The following UBTF variants were observed in gnomAD, a reference collection of about 807,000 sequenced individuals.
UBTF encodes the protein upstream binding transcription factor.
A neutral mutation model predicts 112.3 loss-of-function variants in UBTF; 8 were observed. That is an observed-to-expected ratio of 0.07 (90% CI 0.04 to 0.13). The LOEUF is 0.13. UBTF is among the 10% of genes least tolerant of loss of function. The probability of loss-of-function intolerance (pLI) is 1.00; values close to 1 mark genes in which losing one functional copy is unlikely to be tolerated. For missense variants in UBTF, 457 were observed against 982.1 expected (o/e 0.47, Z 7.15); for synonymous variants, 417 against 373.1 (o/e 1.12, Z -1.36).
At chr17:44,218,789 G>T (rs1328288899) in intron 1 of UBTF, among the ~76,000 whole-genome samples, 1 of 150,446 alleles carries the variant, frequency 6.6e-6, no homozygotes, top group South Asian at 2.1e-4. Context: ...CGGGGACCCG[G>T]ACGCAGCGCA....
In UBTF at chr17:44,216,616, G is replaced by C. The variant is rs771763301; in HGVS notation, c.147C>G (p.Thr49=). ...PSNDSSKFKT[T]ESHMDWEKVA... ...CTTTTTCCCAGTCCATGTGTGATTC[G>C]GTGGTTTTGAACTTGGAGCTGTCAT... The change falls in exon 3 of 21, where the codon ACC becomes ACG. Residue 49 remains threonine (T), a synonymous_variant. Transcript: ENST00000436088. 6.2e-7 allele frequency: 1 copy of C among 1,613,876 alleles called. No homozygotes were observed. The highest frequency in any genetic ancestry group is 8.5e-7 in the Non-Finnish European group (1 of 1,179,944).
chr17:44,209,320 C>T lies in UBTF; in HGVS notation c.1905+32G>A, dbSNP rs143423823. The T allele has an allele frequency of 5.0e-5, 78 of 1,561,564 alleles. No homozygotes were observed. In the African/African-American group the frequency reaches 8.5e-4, roughly 17 times the overall value. ...GGTGCTGGCTTAGTCTGATGCCTCT[C>T]TGTTCCTTCCAAGGGTCCCTTGCCC... On this transcript the variant is annotated intron_variant, in intron 17 of 20. Coordinates refer to ENST00000436088, the MANE Select transcript of UBTF (RefSeq NM_014233.4).
chr17:44,212,638 TACACGCACGCAC>T (rs2056763282), intron 7 of UBTF, among the ~76,000 whole-genome samples, 169 bp downstream of exon 7: 1 of 151,796 alleles, frequency 6.6e-6, no homozygotes, highest in African/African-American at 2.4e-5. Context: ...GACTGGCTCA[TACACGCACGCAC>T]ACACGCACAC....
chr17:44,210,852 G>T lies in UBTF; in HGVS notation c.1299C>A (p.Ser433=). The T allele has an allele frequency of 6.4e-7, 1 of 1,573,794 alleles. No individual in the cohort carries two copies. The highest frequency in any genetic ancestry group is 8.6e-7 in the Non-Finnish European group (1 of 1,159,582). The change falls in exon 13 of 21, where the codon TCC becomes TCA. Residue 433 remains serine (S), a synonymous_variant. Transcript: ENST00000436088. The part of the protein sequence containing the change: ...RQLQEERPEL[S]ESELTRLLAR... Reference sequence around the variant, plus strand: ...CCAGCAGGCGGGTCAGCTCGCTCTCGGAGAGCTCAGGCCGCTCCTCCTGCA... The same window carrying T: ...CCAGCAGGCGGGTCAGCTCGCTCTCTGAGAGCTCAGGCCGCTCCTCCTGCA...
At chr17:44,210,508 A>G (rs1555579834) in intron 13 of UBTF, 35 bp from the exon 14 acceptor site, 12 of 1,530,296 alleles carry the variant, frequency 7.8e-6, no homozygotes, top group South Asian at 4.9e-5. Context: ...CCTTCCACCC[A>G]CCCCCAGGGG....
chr17:44,207,979 G>C, intron 17 of UBTF, 68 bp from the exon 18 acceptor site: 2 of 1,590,054 alleles, frequency 1.3e-6, no homozygotes, highest in South Asian at 1.1e-5. Flanking sequence ...TGCTGGCCCA[G>C]TGCTAGGCAG....
At chr17:44,210,533 CGCAGCAGCCCAGGCGCTCCCGCCGGCGG>C in intron 13 of UBTF, 60 bp from the exon 14 acceptor site, 1 of 1,490,592 alleles carries the variant, frequency 6.7e-7, no homozygotes, top group South Asian at 1.3e-5. Flanking sequence ...GCGCTCCCCG[CGCAGCAGCCCAGGCGCTCCCGCCGGCGG>C]GCAGAAGCAT....
intron 17 of UBTF, chr17:44,208,967 A>G: frequency 3.0e-6 from 1 of 332,906 alleles, no homozygotes; most frequent in South Asian, 2.1e-5. Context: ...GGCGGATCAC[A>G]TGAGGTCAGG....
At chr17:44,213,470 G>A (rs1178837247) in intron 5 of UBTF, 188 bp from the exon 6 acceptor site, 4 of 573,032 alleles carry the variant, frequency 7.0e-6, no homozygotes, top group Non-Finnish European at 1.2e-5. Flanking sequence ...TTCTACCACA[G>A]ATGGTGGGAG....
chr17:44,209,293 A>T, intron 17 of UBTF, 59 bp downstream of exon 17: 1 of 1,515,166 alleles, frequency 6.6e-7, no homozygotes, highest in South Asian at 1.3e-5. Context: ...CCAGGCTAGG[A>T]TGGTGCTGGC....
In UBTF at chr17:44,207,268, C is replaced by T; in HGVS notation, c.2269G>A (p.Asp757Asn). ...CAGTTGGAGTCAGAGTCTGAGGAGT[C>T]CCCTGAGGAGGAGGAGCTGGAGCTG... ...GSSSSSSSSG[D>N]SSDSDSN Residue 757 changes from aspartate (D) to asparagine (N), a missense_variant, in exon 21 of 21, where the codon GAC becomes AAC. Physicochemically the swap from Asp to Asn is conservative, Grantham distance 23 (BLOSUM62 1). Around this residue, in one of 7 missense-constraint regions of UBTF, gnomAD observed 139 missense variants for 157.5 expected, o/e 0.88. Transcript: ENST00000436088. 1 of 1,613,604 alleles carries T rather than the reference C, an allele frequency of 6.2e-7. No homozygotes were observed.
chr17:44,216,123 A>G, intron 3 of UBTF, 134 bp from the exon 4 acceptor site: 1 of 732,584 alleles, frequency 1.4e-6, no homozygotes, highest in Non-Finnish European at 2.3e-6. Context: ...AGAGGCCAAC[A>G]GCCAAATGAA....
rs2056295744 is a variant in UBTF, at chr17:44,207,171, GA to G, written c.*70del. ...GGGGCAAGGGACAGAACATGGGGGA[GA>G]AACAAAGGTGGTCAGTTGGGGAGGG... On this transcript the variant is annotated 3_prime_UTR_variant, in exon 21 of 21. Coordinates refer to ENST00000436088, the MANE Select transcript of UBTF (RefSeq NM_014233.4). The G allele has an allele frequency of 6.4e-7, 1 of 1,569,758 alleles. No individual in the cohort carries two copies. Among genetic ancestry groups the G allele is most frequent in the Non-Finnish European group, 8.7e-7 (1 of 1,146,482 alleles).
At position 44,211,764 on chromosome 17, in the gene UBTF, G is replaced by A. The variant is rs544517195; in HGVS notation, c.906-17C>T. 1.9e-6 allele frequency: 3 copies of A among 1,603,382 alleles called. No homozygotes were observed. The African/African-American group carries it at 4.0e-5, about 21-fold the overall frequency. On this transcript the variant is annotated splice_polypyrimidine_tract_variant and intron_variant, in intron 9 of 20. Transcript: ENST00000436088. This position sits in a 1 kb window ranked among gnomAD's most constrained non-coding sequence, Gnocchi z 4.9. Reference sequence around the variant, plus strand: ...TAGCTGTTCCTATCAGAGCCGCGGGGAGAGAGGTGCAGCCCGTAAGCGAGC... The same window carrying A: ...TAGCTGTTCCTATCAGAGCCGCGGGAAGAGAGGTGCAGCCCGTAAGCGAGC...
intron 13 of UBTF, among the ~76,000 whole-genome samples, 157 bp from the exon 14 acceptor site, chr17:44,210,630 C>G (rs1487111211): frequency 6.6e-6 from 1 of 152,210 alleles, no homozygotes; most frequent in Non-Finnish European, 1.5e-5. Flanking sequence ...CGGCGCTCAG[C>G]TGACAGCTTC....
chr17:44,212,881 T>G lies in UBTF; in HGVS notation c.598A>C (p.Lys200Gln). 6.2e-7 allele frequency: 1 copy of G among 1,614,132 alleles called. No individual in the cohort carries two copies. The highest frequency in any genetic ancestry group is 8.5e-7 in the Non-Finnish European group (1 of 1,179,968). ...GTGTACCACAGCTGCTGGGGGGTTT[T>G]GGGCTTCTCTGGGATGTCCGATTTC... ...AKKSDIPEKP[K>Q]TPQQLWYTHE... is the part of the protein sequence containing the mutation. Residue 200 changes from lysine to glutamine, a missense_variant, in exon 7 of 21, where the codon AAA becomes CAA. By Grantham distance (53) the Lys-to-Gln change is moderately conservative. Coordinates refer to ENST00000436088, the MANE Select transcript of UBTF (RefSeq NM_014233.4).
rs982209429 is a variant in UBTF, at chr17:44,206,582, G to A, written c.*660C>T. 6.7e-6 allele frequency: 1 copy of A among 148,470 alleles called. No individual in the cohort carries two copies. The allele number at this position is 148,470 out of a possible 1,614,324, so 9.2% of individuals were successfully genotyped here. ...CTCTCCCAGAAATGACAACAGAGAC[G>A]GCAGCCGAGATCGGTAGGAAACGTC... On this transcript the variant is annotated 3_prime_UTR_variant, in exon 21 of 21. Transcript: ENST00000436088.
Position 44,211,752 on chromosome 17 carries a change from C to T in UBTF, c.906-5G>A. 1.9e-6 allele frequency: 3 copies of T among 1,604,850 alleles called. No individual in the cohort carries two copies. Among genetic ancestry groups the T allele is most frequent in the Non-Finnish European group, 2.5e-6 (3 of 1,178,458 alleles). ...CAGTACAGCGAGTAGCTGTTCCTAT[C>T]AGAGCCGCGGGGAGAGAGGTGCAGC... is the stretch of plus-strand genomic sequence containing the variant. On this transcript the variant is annotated splice_polypyrimidine_tract_variant and splice_region_variant and intron_variant, in intron 9 of 20. Transcript: ENST00000436088. The surrounding 1 kb of genome is among the most constrained non-coding windows in gnomAD (Gnocchi z 4.9).
chr17:44,219,975 G>C (rs1407736511), upstream of UBTF, among the ~76,000 whole-genome samples: 1 of 150,454 alleles, frequency 6.6e-6, no homozygotes, highest in Non-Finnish European at 1.5e-5. Context: ...GGCGGGAGCT[G>C]GGGGGACCCG....
Sources: gnomAD v4.1 joint callset for allele counts (sites outside exome capture counted in the v4.1 genomes callset) on GRCh38, gnomAD v4.1.1 for gene constraint, gnomAD v4.1.1 regional missense constraint, Gnocchi (gnomAD v3.1) non-coding constraint, MANE v1.5 for transcripts, NCBI Gene and HGNC (gene_info 2026-07-23, HGNC 2026-07-21) for gene names.